Variants in PTPRD observed in about 807,000 individuals in gnomAD.
PTPRD encodes receptor-type tyrosine-protein phosphatase delta.
A neutral mutation model predicts 214.5 loss-of-function variants in PTPRD; 34 were observed. The ratio of observed to expected loss-of-function variants is 0.16; its 90% CI spans 0.12 to 0.21. The LOEUF is 0.21. Among genes scored for constraint, PTPRD ranks in the 10% least tolerant of loss-of-function variants. PTPRD has a pLI of 1.00. For missense variants in PTPRD, 2,545 were observed against 2,398.7 expected, an observed-to-expected ratio of 1.06 and a Z score of -1.27; for synonymous variants, 1,128 against 845.7, an observed-to-expected ratio of 1.33 and a Z score of -5.79.
Position 8,492,844 on chromosome 9 carries a change from A to G in PTPRD, c.2467+18T>C, listed in dbSNP as rs761581870. ...TAGTATTACTGTTCAAGGCACATAC[A>G]TGCACAGACATGATTACCTGCCCCA... On this transcript the variant is annotated intron_variant, in intron 27 of 45. Coordinates refer to ENST00000381196, the MANE Select transcript of PTPRD (RefSeq NM_002839.4). 3.2e-6 allele frequency: 5 copies of G among 1,582,800 alleles called. No homozygotes were observed. In the East Asian group the frequency reaches 1.1e-4, roughly 35 times the overall value.
chr9:9,928,532 G>C (rs1284410366), intron 5 of PTPRD, among the ~76,000 whole-genome samples: 2 of 152,048 alleles, frequency 1.3e-5, no homozygotes, highest in African/African-American at 4.8e-5. Context: ...AAAGTAAAGA[G>C]ATATTTCACT....
chr9:9,968,258 G>A (rs530880361), intron 4 of PTPRD, among the ~76,000 whole-genome samples: 1 of 152,132 alleles, frequency 6.6e-6, no homozygotes, highest in East Asian at 1.9e-4. Context: ...CAGTGAAGCT[G>A]GAGAGGAACA....
intron 10 of PTPRD, among the ~76,000 whole-genome samples, chr9:9,163,955 G>T (rs1226738395): frequency 6.6e-6 from 1 of 152,064 alleles, no homozygotes; most frequent in South Asian, 2.1e-4. Flanking sequence ...CACTTCCTCA[G>T]AAAGCCCTCC....
intron 12 of PTPRD, among the ~76,000 whole-genome samples, chr9:8,668,074 A>G (rs2097204501): frequency 6.6e-6 from 1 of 152,214 alleles, no homozygotes; most frequent in African/African-American, 2.4e-5. Context: ...AAGATACCCA[A>G]TGACCACTGG....
At chr9:9,226,520 G>C (rs1178026002) in intron 9 of PTPRD, among the ~76,000 whole-genome samples, 1 of 151,866 alleles carries the variant, frequency 6.6e-6, no homozygotes, top group Non-Finnish European at 1.5e-5. Context: ...GACAAGTGGA[G>C]GGAGAGGGGT....
Position 9,900,784 on chromosome 9 carries a change from G to A in PTPRD, c.-368+37723C>T, listed in dbSNP as rs1042303787. 1.3e-4 allele frequency among the ~76,000 whole-genome samples: 20 copies of A among 151,894 alleles called. No homozygotes were observed. In the East Asian group the frequency reaches 1.7e-3, roughly 13 times the overall value. ...CCCGAGTAGCTGGAACTACAGGCAC[G>A]TGCCACCACACCCAGCTAACTTTGG... On this transcript the variant is annotated intron_variant, in intron 5 of 45. Coordinates refer to ENST00000381196, the MANE Select transcript of PTPRD (RefSeq NM_002839.4).
chr9:9,121,117 C>A (rs1436603792), intron 10 of PTPRD, among the ~76,000 whole-genome samples: 2 of 152,326 alleles, frequency 1.3e-5, no homozygotes, highest in East Asian at 1.9e-4. Context: ...AGGATAATTT[C>A]TCTTGTAGTA....
intron 11 of PTPRD, among the ~76,000 whole-genome samples, chr9:8,802,359 C>CA (rs2096588822): frequency 6.6e-6 from 1 of 152,192 alleles, no homozygotes; most frequent in Admixed American, 6.5e-5. Flanking sequence ...CCCTGACTCT[C>CA]ACGCCATTAA....
chr9:9,348,542 C>T (rs2049825887), intron 9 of PTPRD, among the ~76,000 whole-genome samples: 2 of 152,156 alleles, frequency 1.3e-5, no homozygotes, highest in African/African-American at 4.8e-5. Flanking sequence ...GTGAAAATCA[C>T]CCCTTTAATC....
At chr9:8,955,246 T>A (rs930647695) in intron 11 of PTPRD, among the ~76,000 whole-genome samples, 16 of 151,890 alleles carry the variant, frequency 1.1e-4, no homozygotes, top group Non-Finnish European at 2.1e-4. Context: ...TGTTGAAACA[T>A]TTGAGAGAAA....
At chr9:10,581,238 C>T (rs1395996992) in intron 2 of PTPRD, among the ~76,000 whole-genome samples, 2 of 152,052 alleles carry the variant, frequency 1.3e-5, no homozygotes, top group African/African-American at 2.4e-5. Context: ...ATTTGTTCAA[C>T]AAATGAAAAA....
chr9:9,508,241 C>G (rs2096616204), intron 8 of PTPRD, among the ~76,000 whole-genome samples: 1 of 151,348 alleles, frequency 6.6e-6, no homozygotes, highest in Admixed American at 6.6e-5. Context: ...AACACTGTAT[C>G]TATTTTCCTT....
intron 27 of PTPRD, 153 bp from the exon 28 acceptor site, chr9:8,486,502 G>T: frequency 1.3e-6 from 1 of 759,582 alleles, no homozygotes; most frequent in Non-Finnish European, 2.4e-6. Flanking sequence ...ACATACCTTT[G>T]TGGAAATATG....
At chr9:8,771,726 T>C (rs568155518) in intron 11 of PTPRD, among the ~76,000 whole-genome samples, 28 of 152,230 alleles carry the variant, frequency 1.8e-4, no homozygotes, top group African/African-American at 6.0e-4. Flanking sequence ...GTTTTCAAAT[T>C]GCATGCACGT....
intron 8 of PTPRD, among the ~76,000 whole-genome samples, chr9:9,537,264 C>T (rs1485304447): frequency 3.3e-5 from 5 of 151,778 alleles, no homozygotes; most frequent in South Asian, 4.2e-4. Context: ...TAGAAAAAAA[C>T]GAAGTTTTAA....
intron 10 of PTPRD, among the ~76,000 whole-genome samples, chr9:9,109,149 G>A (rs565441042): frequency 2.6e-5 from 4 of 152,262 alleles, no homozygotes; most frequent in African/African-American, 7.2e-5. Flanking sequence ...ATATTTATAA[G>A]ATTGTATCCT....
intron 9 of PTPRD, among the ~76,000 whole-genome samples, chr9:9,331,043 T>C (rs1224956460): frequency 6.6e-6 from 1 of 151,978 alleles, no homozygotes; most frequent in African/African-American, 2.4e-5. Context: ...GCAAACTTGC[T>C]CAGATAAGAG....
intron 8 of PTPRD, among the ~76,000 whole-genome samples, chr9:9,490,132 C>A (rs541799718): frequency 6.6e-6 from 1 of 152,006 alleles, no homozygotes. Context: ...AAAGCAATTG[C>A]CAAACAAGAA....
chr9:9,606,606 A>G (rs538681380), intron 7 of PTPRD, among the ~76,000 whole-genome samples: 5 of 152,168 alleles, frequency 3.3e-5, no homozygotes, highest in African/African-American at 9.6e-5. Context: ...TTAATCATAT[A>G]AATTCTGTGG....
Sources: gnomAD v4.1 joint callset for allele counts (sites outside exome capture counted in the v4.1 genomes callset) on GRCh38, gnomAD v4.1.1 for gene constraint, MANE v1.5 for transcripts, NCBI Gene and HGNC (gene_info 2026-07-23, HGNC 2026-07-21) for gene names.